RERE: variants seen among roughly 807,000 people sequenced by gnomAD.
RERE encodes arginine-glutamic acid dipeptide repeats protein.
RERE carries 40 observed loss-of-function variants against 146.1 expected under a neutral mutation model. That is an observed-to-expected ratio of 0.27 (90% CI 0.21 to 0.36). The LOEUF (loss-of-function observed/expected upper bound fraction) is 0.36. RERE is among the 10% of genes least tolerant of loss of function. The probability of loss-of-function intolerance (pLI) is 1.00; values close to 1 mark genes in which losing one functional copy is unlikely to be tolerated. For missense variants in RERE, 1,933 were observed against 2,138.7 expected, an observed-to-expected ratio of 0.90 and a Z score of 1.90; for synonymous variants, 1,003 against 866.0, an observed-to-expected ratio of 1.16 and a Z score of -2.78.
At chr1:8,406,816 TAAG>T (rs1225141820) in intron 12 of RERE, among the ~76,000 whole-genome samples, 1 of 150,198 alleles carries the variant, frequency 6.7e-6, no homozygotes, top group African/African-American at 2.5e-5. Context: ...TTAAAAAACC[TAAG>T]AAGTACTACG....
chr1:8,380,340 CTTT>C (rs34580017), intron 12 of RERE, among the ~76,000 whole-genome samples: 2,058 of 142,216 alleles, frequency 0.014, 47 homozygotes, highest in African/African-American at 0.05. Context: ...AGTCAACAGG[CTTT>C]TTTTTTTTTT....
At chr1:8,395,752 G>C (rs1211577167) in intron 12 of RERE, among the ~76,000 whole-genome samples, 2 of 152,190 alleles carry the variant, frequency 1.3e-5, no homozygotes, top group South Asian at 2.1e-4. Flanking sequence ...GGAGAGGAGA[G>C]GAAACAAAAA....
intron 1 of RERE, among the ~76,000 whole-genome samples, chr1:8,748,557 T>C (rs1235697885): frequency 6.6e-6 from 1 of 152,212 alleles, no homozygotes; most frequent in Non-Finnish European, 1.5e-5. Context: ...TTAGGAAACC[T>C]ACAGATCATG....
chr1:8,748,568 G>A (rs1640470152), intron 1 of RERE, among the ~76,000 whole-genome samples: 1 of 152,186 alleles, frequency 6.6e-6, no homozygotes, highest in African/African-American at 2.4e-5. Flanking sequence ...ACAGATCATG[G>A]AAACAGAGCC....
At chr1:8,700,424 T>C (rs1639422473) in intron 1 of RERE, among the ~76,000 whole-genome samples, 1 of 151,888 alleles carries the variant, frequency 6.6e-6, no homozygotes. Context: ...GTCAGTCACA[T>C]TACAATCTAT....
chr1:8,602,053 T>G (rs1646638082), intron 4 of RERE, among the ~76,000 whole-genome samples: 1 of 152,050 alleles, frequency 6.6e-6, no homozygotes, highest in African/African-American at 2.4e-5. Flanking sequence ...TAATAAAAAT[T>G]CGAAAGGCCA....
At chr1:8,734,021 T>C (rs533060950) in intron 1 of RERE, among the ~76,000 whole-genome samples, 14 of 143,358 alleles carry the variant, frequency 9.8e-5, no homozygotes, top group African/African-American at 3.7e-4. Flanking sequence ...TGCAGGAGAA[T>C]TGCTTGAACC....
intron 4 of RERE, among the ~76,000 whole-genome samples, chr1:8,568,905 C>T (rs1024894994): frequency 2.0e-5 from 3 of 152,130 alleles, no homozygotes; most frequent in African/African-American, 7.2e-5. Flanking sequence ...CTCTGGAGAA[C>T]CCTGACTAAT....
chr1:8,401,614 G>A (rs1643265567), intron 12 of RERE, among the ~76,000 whole-genome samples: 1 of 151,790 alleles, frequency 6.6e-6, no homozygotes, highest in Non-Finnish European at 1.5e-5. Flanking sequence ...AAAAATATTA[G>A]CCAGGCATGG....
At chr1:8,399,337 GTCT>G (rs1479920094) in intron 12 of RERE, among the ~76,000 whole-genome samples, 1 of 152,024 alleles carries the variant, frequency 6.6e-6, no homozygotes, top group Non-Finnish European at 1.5e-5. Context: ...CAGTTTTAAA[GTCT>G]TGTTTTTCCT....
chr1:8,401,659 C>T (rs541734284), intron 12 of RERE, among the ~76,000 whole-genome samples: 16 of 151,622 alleles, frequency 1.1e-4, no homozygotes, highest in Admixed American at 2.0e-4. Context: ...ACTCGGGAGG[C>T]TGAGGTGGGA....
Position 8,599,260 on chromosome 1 carries a change from A to T in RERE, c.522+15301T>A, listed in dbSNP as rs528921274. Reference sequence around the variant, plus strand: ...GAGCTGAAATCCTACCAGCCACCTAACAATTAACAACCCCAACCCTGTCCA... The same window carrying T: ...GAGCTGAAATCCTACCAGCCACCTATCAATTAACAACCCCAACCCTGTCCA... On this transcript the variant is annotated intron_variant, in intron 4 of 22. Transcript: ENST00000400908. 4.6e-5 allele frequency among the ~76,000 whole-genome samples: 7 copies of T among 152,328 alleles called. No individual in the cohort carries two copies. In the East Asian group the frequency reaches 1.2e-3, roughly 25 times the overall value.
chr1:8,682,849 G>A (rs895256516), intron 1 of RERE, among the ~76,000 whole-genome samples: 3 of 151,758 alleles, frequency 2.0e-5, no homozygotes, highest in South Asian at 2.1e-4. Flanking sequence ...TGATTCTTTC[G>A]CATGCCTTAA....
At chr1:8,525,637 G>T in intron 7 of RERE, 1 of 1,098,676 alleles carries the variant, frequency 9.1e-7, no homozygotes, top group Non-Finnish European at 1.3e-6. Context: ...AGCTAGGGCT[G>T]AATTAAAGGC....
chr1:8,473,787 G>T (rs1440693013), intron 10 of RERE, among the ~76,000 whole-genome samples: 1 of 152,202 alleles, frequency 6.6e-6, no homozygotes, highest in Non-Finnish European at 1.5e-5. Flanking sequence ...CAGAAAAATG[G>T]AAAGTGCTAA....
rs200177559 is a variant in RERE, at chr1:8,630,628, C to T, written c.326-6248G>A. On this transcript the variant is annotated intron_variant, in intron 2 of 22. Coordinates refer to ENST00000400908, the MANE Select transcript of RERE (RefSeq NM_001042681.2). Reference sequence around the variant, plus strand: ...ACTGCTGCTCAGGAAGCTCAGGTGACAGCATCACTGGAGCCCTGGAGTTCA... The same window carrying T: ...ACTGCTGCTCAGGAAGCTCAGGTGATAGCATCACTGGAGCCCTGGAGTTCA... 3.3e-5 allele frequency among the ~76,000 whole-genome samples: 5 copies of T among 152,300 alleles called. No individual in the cohort carries two copies. The East Asian group carries it at 7.7e-4, about 24-fold the overall frequency.
At chr1:8,575,534 A>AATATATAT (rs67724601) in intron 4 of RERE, among the ~76,000 whole-genome samples, 215 of 114,034 alleles carry the variant, frequency 1.9e-3, no homozygotes, top group Non-Finnish European at 2.7e-3. Context: ...TGGCTAATTT[A>AATATATAT]ATATATATAT....
chr1:8,701,696 T>A (rs994464217), intron 1 of RERE, among the ~76,000 whole-genome samples: 3 of 152,014 alleles, frequency 2.0e-5, no homozygotes, highest in Admixed American at 2.0e-4. Context: ...CCTGCCGGAG[T>A]ACAATGAGCG....
chr1:8,543,076 A>C (rs1645818257), intron 6 of RERE, among the ~76,000 whole-genome samples: 1 of 152,220 alleles, frequency 6.6e-6, no homozygotes, highest in South Asian at 2.1e-4. Flanking sequence ...CAGATTTATA[A>C]GACATTTCCA....
Sources: gnomAD v4.1 joint callset for allele counts (sites outside exome capture counted in the v4.1 genomes callset) on GRCh38, gnomAD v4.1.1 for gene constraint, MANE v1.5 for transcripts, NCBI Gene and HGNC (gene_info 2026-07-23, HGNC 2026-07-21) for gene names.